The following GALNT13 variants were observed in gnomAD, a reference collection of about 807,000 sequenced individuals.
The protein encoded by GALNT13 is UDP-GalNAc:polypeptide N-acetylgalactosaminyltransferase 13.
GALNT13 carries 28 observed loss-of-function variants against 64.2 expected under a neutral mutation model. The observed-to-expected ratio is 0.44, with a 90% CI of 0.32 to 0.60. GALNT13 has a LOEUF of 0.60. GALNT13 is among the 20% of genes least tolerant of loss of function. The pLI is 0.05. For synonymous variants in GALNT13, 214 were observed against 224.6 expected (o/e 0.95, Z 0.42); for missense variants, 577 against 669.8 (o/e 0.86, Z 1.53).
the GALNT13 span, among the ~76,000 whole-genome samples, chr2:153,620,489 A>G: frequency 5.3e-5 from 8 of 151,736 alleles, no homozygotes; most frequent in Non-Finnish European, 1.0e-4. Flanking sequence ...TCTATTTTGA[A>G]ATAGCCTGCA....
the GALNT13 span, among the ~76,000 whole-genome samples, chr2:153,406,777 C>T: frequency 2.0e-5 from 3 of 152,072 alleles, no homozygotes; most frequent in Admixed American, 6.6e-5. Flanking sequence ...TTAAGTAGTT[C>T]GTCCAACAAG....
At chr2:154,313,433 TATATAC>T (rs70983717) in intron 9 of GALNT13, among the ~76,000 whole-genome samples, 27,435 of 64,958 alleles carry the variant, frequency 0.42, 2,875 homozygotes, top group Admixed American at 0.54. Flanking sequence ...TATATATATA[TATATAC>T]ACACACACAC....
chr2:153,089,000 C>G, the GALNT13 span, among the ~76,000 whole-genome samples: 1 of 152,040 alleles, frequency 6.6e-6, no homozygotes. Context: ...AGGTACTATT[C>G]TATTTGTTAT....
chr2:153,925,088 G>A (rs1318027372), intron 2 of GALNT13, among the ~76,000 whole-genome samples: 3 of 152,048 alleles, frequency 2.0e-5, no homozygotes, highest in Non-Finnish European at 2.9e-5. Flanking sequence ...TTTTGCTTTC[G>A]TTGCAATTGC....
the GALNT13 span, among the ~76,000 whole-genome samples, chr2:153,618,624 A>G: frequency 6.6e-6 from 1 of 151,846 alleles, no homozygotes; most frequent in African/African-American, 2.4e-5. Context: ...TGGCATGTTG[A>G]AGTCTTCTGC....
chr2:154,358,780 A>G (rs1696896258), intron 9 of GALNT13, among the ~76,000 whole-genome samples: 1 of 152,112 alleles, frequency 6.6e-6, no homozygotes, highest in Non-Finnish European at 1.5e-5. Flanking sequence ...CTACTTAGAT[A>G]CTTGCCACGT....
chr2:153,110,247 C>A, the GALNT13 span, among the ~76,000 whole-genome samples: 1 of 151,936 alleles, frequency 6.6e-6, no homozygotes, highest in African/African-American at 2.4e-5. Flanking sequence ...TGTTCCTGGG[C>A]CCCCAATTTT....
At chr2:154,301,316 A>G in intron 8 of GALNT13, 93 bp from the exon 9 acceptor site, 1 of 1,097,080 alleles carries the variant, frequency 9.1e-7, no homozygotes, top group Non-Finnish European at 1.3e-6. Context: ...ATTTGCTTGA[A>G]ACATGTAAAA....
the GALNT13 span, among the ~76,000 whole-genome samples, chr2:153,431,332 G>T: frequency 2.4e-4 from 36 of 152,002 alleles, no homozygotes; most frequent in African/African-American, 7.7e-4. Flanking sequence ...TTTTGGCTTT[G>T]AAACTCAGTG....
chr2:153,498,346 C>A, the GALNT13 span, among the ~76,000 whole-genome samples: 25 of 152,374 alleles, frequency 1.6e-4, no homozygotes, highest in East Asian at 4.6e-3. Flanking sequence ...CTTGTGCCCA[C>A]TGGGCTTGTT....
intron 3 of GALNT13, among the ~76,000 whole-genome samples, chr2:154,041,811 A>G (rs1191274715): frequency 7.1e-6 from 1 of 140,484 alleles, no homozygotes; most frequent in African/African-American, 2.4e-5. Flanking sequence ...ATATACAAGT[A>G]TAGATTTTAC....
chr2:154,365,756 A>C (rs1489434674), intron 9 of GALNT13, among the ~76,000 whole-genome samples: 1 of 152,206 alleles, frequency 6.6e-6, no homozygotes, highest in Non-Finnish European at 1.5e-5. Flanking sequence ...AAATATAATT[A>C]GATTGATTAA....
chr2:153,899,933 ATATTTTT>A (rs1429221085), intron 1 of GALNT13, among the ~76,000 whole-genome samples: 242 of 86,356 alleles, frequency 2.8e-3, no homozygotes, highest in Middle Eastern at 0.02. Context: ...ATATATATAT[ATATTTTT>A]TTTTTTTTTT....
the GALNT13 span, among the ~76,000 whole-genome samples, chr2:153,460,983 A>G: frequency 6.6e-6 from 1 of 152,146 alleles, no homozygotes; most frequent in African/African-American, 2.4e-5. Context: ...AATAGGAAGA[A>G]AAAATTCACT....
chr2:154,302,410 G>T (rs1693494683), intron 9 of GALNT13, among the ~76,000 whole-genome samples: 2 of 152,232 alleles, frequency 1.3e-5, no homozygotes, highest in South Asian at 4.2e-4. Flanking sequence ...AACCCATCAG[G>T]ACAACAACAA....
At chr2:153,858,789 G>A in the GALNT13 span, among the ~76,000 whole-genome samples, 2 of 152,036 alleles carry the variant, frequency 1.3e-5, no homozygotes, top group Non-Finnish European at 2.9e-5. Flanking sequence ...CTGGAGTACT[G>A]TGGCCTGATC....
the GALNT13 span, among the ~76,000 whole-genome samples, chr2:153,226,506 G>A: frequency 1.3e-5 from 2 of 152,130 alleles, no homozygotes; most frequent in Admixed American, 1.3e-4. Context: ...ATGACAGTAT[G>A]CCTTCTTGAT....
chr2:154,409,916 G>A (rs993627114), intron 11 of GALNT13, among the ~76,000 whole-genome samples: 9 of 151,814 alleles, frequency 5.9e-5, no homozygotes, highest in East Asian at 3.9e-4. Context: ...GTTGATTCTT[G>A]TACTATAAAG....
the GALNT13 span, among the ~76,000 whole-genome samples, chr2:153,131,162 T>C: frequency 6.6e-6 from 1 of 152,282 alleles, no homozygotes; most frequent in Non-Finnish European, 1.5e-5. Flanking sequence ...CAGGACTAGA[T>C]TGGGGGTTTT....
Sources: gnomAD v4.1 joint callset for allele counts (sites outside exome capture counted in the v4.1 genomes callset) on GRCh38, gnomAD v4.1.1 for gene constraint, MANE v1.5 for transcripts, NCBI Gene and HGNC (gene_info 2026-07-23, HGNC 2026-07-21) for gene names.